Variants in ZNF98 observed in about 807,000 individuals in gnomAD.
ZNF98 encodes zinc finger protein 98, also known as zinc finger protein 739.
In ZNF98, 8 loss-of-function variants were observed where a neutral mutation model predicts 12.8. That is an observed-to-expected ratio of 0.63 (90% CI 0.37 to 1.13). The LOEUF (loss-of-function observed/expected upper bound fraction) is 1.13, where lower values mean the gene tolerates loss of function less well. ZNF98 is among the 50% of genes most tolerant of loss of function. ZNF98 has a pLI of 0.01. For synonymous variants in ZNF98, 112 were observed against 223.5 expected (o/e 0.50, Z 4.45); for missense variants, 379 against 666.1 (o/e 0.57, Z 4.74).
At chr19:22,415,956 GACAC>G (rs71180550) in intron 1 of ZNF98, among the ~76,000 whole-genome samples, 37,361 of 111,146 alleles carry the variant, frequency 0.34, 6,945 homozygotes, top group Non-Finnish European at 0.42. Flanking sequence ...AAAAACTACA[GACAC>G]ACACACACAC....
chr19:22,399,159 A>T (rs1414450855), intron 3 of ZNF98, among the ~76,000 whole-genome samples: 1 of 152,206 alleles, frequency 6.6e-6, no homozygotes, highest in Non-Finnish European at 1.5e-5. Context: ...TACTCATAAA[A>T]TCTGGTATGT....
intron 1 of ZNF98, among the ~76,000 whole-genome samples, chr19:22,405,576 C>G (rs1057067969): frequency 1.3e-5 from 2 of 152,172 alleles, no homozygotes; most frequent in African/African-American, 4.8e-5. Flanking sequence ...TTCCATGGAA[C>G]TGTGCAACCC....
chr19:22,415,275 T>C (rs2145121728), intron 1 of ZNF98, among the ~76,000 whole-genome samples: 1 of 152,212 alleles, frequency 6.6e-6, no homozygotes, highest in East Asian at 1.9e-4. Context: ...TGTAAATTAG[T>C]TCATTATAAA....
At chr19:22,398,160 T>C (rs1969418328) in intron 3 of ZNF98, among the ~76,000 whole-genome samples, 1 of 152,126 alleles carries the variant, frequency 6.6e-6, no homozygotes, top group Non-Finnish European at 1.5e-5. Flanking sequence ...ACTATAAAGG[T>C]AAATCCTGAT....
intron 1 of ZNF98, among the ~76,000 whole-genome samples, chr19:22,406,267 G>A (rs1263003110): frequency 2.0e-5 from 3 of 152,018 alleles, no homozygotes; most frequent in Admixed American, 1.3e-4. Context: ...AGAGGAAGGA[G>A]AAGGCAACCA....
chr19:22,396,440 CAA>C (rs1214258576), intron 3 of ZNF98, among the ~76,000 whole-genome samples: 4 of 151,322 alleles, frequency 2.6e-5, no homozygotes, highest in Non-Finnish European at 5.9e-5. Flanking sequence ...ATACAAAAAT[CAA>C]AAAGACACAA....
In ZNF98 at chr19:22,416,394, C is replaced by T. The variant is rs10406975; in HGVS notation, c.30+5801G>A. ...CTGAGGCAGGAGAATGGCGTGAACC[C>T]GGGAGGCGGAGCTTGCAGTAACCGA... On this transcript the variant is annotated intron_variant, in intron 1 of 3. Coordinates refer to ENST00000357774, the MANE Select transcript of ZNF98 (RefSeq NM_001098626.2). Among the ~76,000 whole-genome samples, 758 of 151,890 alleles carry T rather than the reference C, an allele frequency of 5.0e-3. 6 individuals carry two copies. Among genetic ancestry groups the T allele is most frequent in the African/African-American group, 0.017 (712 of 41,412 alleles).
At chr19:22,407,254 A>C (rs1969530237) in intron 1 of ZNF98, among the ~76,000 whole-genome samples, 1 of 151,682 alleles carries the variant, frequency 6.6e-6, no homozygotes, top group Admixed American at 6.6e-5. Context: ...ATAGGGTTTC[A>C]TCTTGTTGGC....
chr19:22,421,012 A>G (rs373624631), intron 1 of ZNF98, among the ~76,000 whole-genome samples: 1 of 152,106 alleles, frequency 6.6e-6, no homozygotes, highest in Non-Finnish European at 1.5e-5. Flanking sequence ...TTCCACTTAC[A>G]ATACAGTGTT....
intron 3 of ZNF98, among the ~76,000 whole-genome samples, chr19:22,396,355 A>G (rs918351471): frequency 1.1e-4 from 17 of 152,236 alleles, no homozygotes; most frequent in African/African-American, 4.1e-4. Context: ...GTTTTATGGA[A>G]CCCCCAAGGT....
At chr19:22,401,549 T>C (rs1254985467) in intron 3 of ZNF98, among the ~76,000 whole-genome samples, 4 of 151,192 alleles carry the variant, frequency 2.6e-5, no homozygotes, top group Admixed American at 2.6e-4. Flanking sequence ...AGTGGTGCAA[T>C]CTCAGCTCAC....
Position 22,391,444 on chromosome 19 carries a change from T to G in ZNF98, c.*72A>C. The G allele has an allele frequency of 2.0e-6, 3 of 1,500,774 alleles. No homozygotes were observed. The highest frequency in any genetic ancestry group is 2.7e-6 in the Non-Finnish European group (3 of 1,125,670). The allele number at this position is 1,500,774 out of a possible 1,614,324, so 93.0% of individuals were successfully genotyped here. On this transcript the variant is annotated 3_prime_UTR_variant, in exon 4 of 4. Coordinates refer to ENST00000357774, the MANE Select transcript of ZNF98 (RefSeq NM_001098626.2). Reference sequence around the variant, plus strand: ...ACTGTTCACACTTGTAGAAGTTTTCTCCAGAATGAATTACCTTACCTACAA... The same window carrying G: ...ACTGTTCACACTTGTAGAAGTTTTCGCCAGAATGAATTACCTTACCTACAA...
chr19:22,407,717 A>T (rs1425876229), intron 1 of ZNF98, among the ~76,000 whole-genome samples: 1 of 151,342 alleles, frequency 6.6e-6, no homozygotes, highest in Non-Finnish European at 1.5e-5. Context: ...GTCTCAAAAA[A>T]ATAAAAATAA....
Position 22,422,304 on chromosome 19 carries a change from G to A in ZNF98, c.-80C>T. ...CTACGAGCAGAGGACACAGAAGGGC[G>A]AAGACGAGACCAGGAACTCCGGCTG... is the stretch of plus-strand genomic sequence containing the variant. On this transcript the variant is annotated 5_prime_UTR_variant, in exon 1 of 4. Transcript: ENST00000357774. 3 of 1,558,244 alleles carry A rather than the reference G, an allele frequency of 1.9e-6. No individual in the cohort carries two copies. The highest frequency in any genetic ancestry group is 2.6e-6 in the Non-Finnish European group (3 of 1,133,070).
At chr19:22,418,617 G>A (rs540200146) in intron 1 of ZNF98, among the ~76,000 whole-genome samples, 10 of 152,204 alleles carry the variant, frequency 6.6e-5, no homozygotes, top group African/African-American at 2.2e-4. Flanking sequence ...AGTGGCTCAC[G>A]CCTGTAATCC....
chr19:22,414,232 CAA>C (rs57966582), intron 1 of ZNF98, among the ~76,000 whole-genome samples: 10 of 89,392 alleles, frequency 1.1e-4, no homozygotes, highest in African/African-American at 6.2e-4. Context: ...GACTCCATCT[CAA>C]AAAAAAAAAA....
chr19:22,415,618 CA>C (rs56046308), intron 1 of ZNF98, among the ~76,000 whole-genome samples: 23 of 130,518 alleles, frequency 1.8e-4, no homozygotes, highest in Admixed American at 5.7e-4. Context: ...ACAAAAAATA[CA>C]AAAAAAAAAA....
chr19:22,415,997 A>ACACACACACT (rs1969638249), intron 1 of ZNF98, among the ~76,000 whole-genome samples: 2 of 146,016 alleles, frequency 1.4e-5, no homozygotes, highest in South Asian at 4.3e-4. Flanking sequence ...ACACACACTT[A>ACACACACACT]GCTGGGCGTG....
chr19:22,392,897 T>C lies in ZNF98; in HGVS notation c.338A>G (p.Lys113Arg). 2 of 1,607,612 alleles carry C rather than the reference T, an allele frequency of 1.2e-6. No individual in the cohort carries two copies. Among genetic ancestry groups the C allele is most frequent in the Non-Finnish European group, 1.7e-6 (2 of 1,177,800 alleles). Residue 113 changes from lysine to arginine, a missense_variant, in exon 4 of 4, where the codon AAA becomes AGA. By Grantham distance (26) the Lys-to-Arg change is conservative. Around this residue, in one of 8 missense-constraint regions of ZNF98, gnomAD observed 223 missense variants for 261.6 expected, o/e 0.85. Coordinates refer to ENST00000357774, the MANE Select transcript of ZNF98 (RefSeq NM_001098626.2). ...CTGTAAATTTTCACGTCCACATTTTTTATATGTTCTCAGTATCACTTTTTG... is the reference window on the plus strand; with the variant it reads ...CTGTAAATTTTCACGTCCACATTTTCTATATGTTCTCAGTATCACTTTTTG... ...YFQKVILRTY[K>R]KCGRENLQLR...
Sources: gnomAD v4.1 joint callset for allele counts (sites outside exome capture counted in the v4.1 genomes callset) on GRCh38, gnomAD v4.1.1 for gene constraint, gnomAD v4.1.1 regional missense constraint, MANE v1.5 for transcripts, NCBI Gene and HGNC (gene_info 2026-07-23, HGNC 2026-07-21) for gene names.